ATP6V1C2: variants seen among roughly 807,000 people sequenced by gnomAD.
ATP6V1C2 encodes V-type proton ATPase subunit C 2.
A neutral mutation model predicts 56.8 loss-of-function variants in ATP6V1C2; 45 were observed. The observed-to-expected ratio is 0.79, with a 90% CI of 0.62 to 1.02. The LOEUF (loss-of-function observed/expected upper bound fraction) is 1.02, where lower values mean the gene tolerates loss of function less well. ATP6V1C2 is among the 50% of genes least tolerant of loss of function. The pLI is 0.00. For missense variants in ATP6V1C2, 463 were observed against 519.7 expected, an observed-to-expected ratio of 0.89 and a Z score of 1.06; for synonymous variants, 220 against 201.3, an observed-to-expected ratio of 1.09 and a Z score of -0.79.
At chr2:10,760,369 C>CAA (rs1337677481) in intron 4 of ATP6V1C2, among the ~76,000 whole-genome samples, 1 of 145,244 alleles carries the variant, frequency 6.9e-6, no homozygotes. Flanking sequence ...AGATCCATTT[C>CAA]AAAAAAAAAA....
Position 10,784,849 on chromosome 2 carries a change from G to T in ATP6V1C2, c.*1586G>T. ...ACCAGGGCTGAGGTCTGATGGGAAGGACTTGACTCCAGGTGCAGAGATGCA... is the reference window on the plus strand; with the variant it reads ...ACCAGGGCTGAGGTCTGATGGGAAGTACTTGACTCCAGGTGCAGAGATGCA... On this transcript the variant is annotated 3_prime_UTR_variant, in exon 14 of 14. Coordinates refer to ENST00000272238, the MANE Select transcript of ATP6V1C2 (RefSeq NM_001039362.2). 2 of 992,422 alleles carry T rather than the reference G, an allele frequency of 2.0e-6. No individual in the cohort carries two copies. Among genetic ancestry groups the T allele is most frequent in the Non-Finnish European group, 3.1e-6 (2 of 642,452 alleles). 61.5% of individuals were successfully genotyped at this position (992,422 alleles called of 1,614,324 possible).
chr2:10,770,077 C>T (rs1257030811), intron 6 of ATP6V1C2: 1 of 151,956 alleles, frequency 6.6e-6, no homozygotes, highest in Non-Finnish European at 1.5e-5. Flanking sequence ...GCAAATGGTA[C>T]ATTAGTGGAA....
chr2:10,749,817 A>G (rs1490248520), intron 3 of ATP6V1C2, among the ~76,000 whole-genome samples: 5 of 152,098 alleles, frequency 3.3e-5, no homozygotes, highest in African/African-American at 1.2e-4. Context: ...AGTGAGCAAA[A>G]TGTGTGTATT....
chr2:10,741,545 C>A (rs544706097), intron 3 of ATP6V1C2, among the ~76,000 whole-genome samples: 1 of 152,272 alleles, frequency 6.6e-6, no homozygotes, highest in South Asian at 2.1e-4. Flanking sequence ...TCAAGGTACT[C>A]TGACAGTGGC....
rs1430378425 is a variant in ATP6V1C2 at position 10,774,826 on chromosome 2, T to G, written c.677T>G (p.Val226Gly). The G allele has an allele frequency of 2.5e-6, 4 of 1,614,090 alleles. No homozygotes were observed. In the African/African-American group the frequency reaches 4.0e-5, roughly 16 times the overall value. The change falls in exon 9 of 14, where the codon GTG becomes GGG. Residue 226 changes from valine to glycine, a missense_variant. Transcript: ENST00000272238. ...TEDKEGGLFT[V>G]TLFRKVIEDF... Reference sequence around the variant, plus strand: ...GACAAGGAAGGGGGCCTTTTCACTGTGACTCTGTTTCGAAAAGTGATTGAA... The same window carrying G: ...GACAAGGAAGGGGGCCTTTTCACTGGGACTCTGTTTCGAAAAGTGATTGAA...
At chr2:10,739,681 A>G (rs1662440579) in intron 3 of ATP6V1C2, among the ~76,000 whole-genome samples, 1 of 152,178 alleles carries the variant, frequency 6.6e-6, no homozygotes, top group Non-Finnish European at 1.5e-5. Flanking sequence ...ACAGCCCACT[A>G]TTAAAGCCCA....
chr2:10,757,824 C>T (rs1663645291), intron 4 of ATP6V1C2, among the ~76,000 whole-genome samples: 1 of 152,222 alleles, frequency 6.6e-6, no homozygotes, highest in South Asian at 2.1e-4. Flanking sequence ...TTTATGGACA[C>T]TGGAACCTTA....
chr2:10,734,204 G>T, intron 3 of ATP6V1C2, among the ~76,000 whole-genome samples: 1 of 152,032 alleles, frequency 6.6e-6, no homozygotes, highest in Non-Finnish European at 1.5e-5. Flanking sequence ...ACTTTCCATG[G>T]CGGCTGTTCC....
At chr2:10,737,334 G>A (rs1662307585) in intron 3 of ATP6V1C2, among the ~76,000 whole-genome samples, 1 of 151,312 alleles carries the variant, frequency 6.6e-6, no homozygotes. Context: ...GGAGGCTGAG[G>A]CTGGAGCATG....
intron 3 of ATP6V1C2, among the ~76,000 whole-genome samples, chr2:10,736,373 G>A (rs1662245865): frequency 5.3e-5 from 8 of 152,190 alleles, no homozygotes. Flanking sequence ...TGGAGGAGGA[G>A]TAGATTCGCA....
intron 3 of ATP6V1C2, among the ~76,000 whole-genome samples, chr2:10,734,826 A>G (rs1662166348): frequency 6.6e-6 from 1 of 152,186 alleles, no homozygotes; most frequent in Non-Finnish European, 1.5e-5. Context: ...ACTATCAATC[A>G]TTGTTACTTA....
Position 10,774,783 on chromosome 2 carries a change from A to G in ATP6V1C2, c.639-5A>G, listed in dbSNP as rs778792446. On this transcript the variant is annotated splice_polypyrimidine_tract_variant and splice_region_variant and intron_variant, in intron 8 of 13. Transcript: ENST00000272238. ...GTCCAGCCAACAGATGCTTCTCTCC[A>G]ACAGACTCATTACTGAGGACAAGGA... 2 of 1,613,228 alleles carry G rather than the reference A, an allele frequency of 1.2e-6. No individual in the cohort carries two copies. The highest frequency in any genetic ancestry group is 1.7e-5 in the Admixed American group (1 of 59,990).
chr2:10,772,978 G>A (rs1271039376), intron 8 of ATP6V1C2, among the ~76,000 whole-genome samples: 3 of 152,236 alleles, frequency 2.0e-5, no homozygotes, highest in African/African-American at 4.8e-5. Flanking sequence ...CCCAGTGAAC[G>A]GCCACAGCGG....
At chr2:10,762,076 C>T (rs1417263500) in intron 4 of ATP6V1C2, among the ~76,000 whole-genome samples, 1 of 152,112 alleles carries the variant, frequency 6.6e-6, no homozygotes, top group East Asian at 1.9e-4. Context: ...CCACAGCTTG[C>T]TCTGTGCCAG....
At chr2:10,782,483 T>C in intron 13 of ATP6V1C2, 108 bp downstream of exon 13, 1 of 1,323,600 alleles carries the variant, frequency 7.6e-7, no homozygotes, top group Non-Finnish European at 1.0e-6. Flanking sequence ...GTGGATCACT[T>C]GAGGTCAAGG....
At position 10,784,302 on chromosome 2, in the gene ATP6V1C2, G is replaced by A. The variant is rs1665587085; in HGVS notation, c.*1039G>A. 2.5e-6 allele frequency: 4 copies of A among 1,613,342 alleles called. No homozygotes were observed. The highest frequency in any genetic ancestry group is 2.2e-5 in the East Asian group (1 of 44,830). On this transcript the variant is annotated 3_prime_UTR_variant, in exon 14 of 14. Transcript: ENST00000272238. The stretch of plus-strand genomic sequence containing the variant: ...AAGTCATCAAGCTCCACATCACTGA[G>A]GTCAATGTCATCCTCCACGGGAAGC...
chr2:10,733,704 T>G (rs549667136), intron 3 of ATP6V1C2, among the ~76,000 whole-genome samples: 31 of 152,066 alleles, frequency 2.0e-4, no homozygotes, highest in Non-Finnish European at 3.5e-4. Flanking sequence ...CTTAGCCTGT[T>G]TTGCGGTGTT....
At chr2:10,759,228 G>C (rs777375817) in intron 4 of ATP6V1C2, among the ~76,000 whole-genome samples, 1 of 152,208 alleles carries the variant, frequency 6.6e-6, no homozygotes, top group Non-Finnish European at 1.5e-5. Context: ...TCTTGGCTTC[G>C]TCAGGACCGG....
intron 4 of ATP6V1C2, 90 bp from the exon 5 acceptor site, chr2:10,764,241 C>G: frequency 8.4e-7 from 1 of 1,185,612 alleles, no homozygotes; most frequent in Admixed American, 1.8e-5. Flanking sequence ...GCCTTCGTGT[C>G]CACGCTGATG....
Sources: allele counts gnomAD v4.1 joint callset (sites outside exome capture counted in the v4.1 genomes callset), GRCh38; gene constraint gnomAD v4.1.1; transcripts MANE v1.5; gene names NCBI Gene and HGNC (gene_info 2026-07-23, HGNC 2026-07-21).